Variants in MTARC2 observed in about 807,000 individuals in gnomAD.
MTARC2 encodes the protein MOCO sulphurase C-terminal domain containing 2.
Under a neutral mutation model 35.6 loss-of-function variants are expected in MTARC2, and 27 were observed. The observed-to-expected ratio is 0.76, with a 90% CI of 0.56 to 1.04. The LOEUF (loss-of-function observed/expected upper bound fraction) is 1.04, where lower values mean the gene tolerates loss of function less well. Ranked by LOEUF, MTARC2 falls within the 50% of genes least tolerant of loss-of-function variation. The pLI is 0.00. For synonymous variants in MTARC2, 158 were observed against 167.1 expected (o/e 0.95, Z 0.42); for missense variants, 412 against 432.5 (o/e 0.95, Z 0.42).
At chr1:220,763,178 C>A in intron 4 of MTARC2, 128 bp downstream of exon 4, 1 of 1,315,852 alleles carries the variant, frequency 7.6e-7, no homozygotes, top group Non-Finnish European at 1.1e-6. Flanking sequence ...CTGCTGCCAT[C>A]ACTCATTGCT....
intron 1 of MTARC2, 96 bp downstream of exon 1, chr1:220,748,899 A>C: frequency 7.4e-7 from 1 of 1,358,692 alleles, no homozygotes; most frequent in Middle Eastern, 2.7e-4. Flanking sequence ...AGGACTATAG[A>C]GGTTTGCCAC....
At chr1:220,779,909 C>A in intron 4 of MTARC2, 109 bp from the exon 5 acceptor site, 1 of 813,704 alleles carries the variant, frequency 1.2e-6, no homozygotes. Flanking sequence ...TCACCTTGTG[C>A]TGCTTTCTTC....
At chr1:220,778,003 G>A (rs1161492249) in intron 4 of MTARC2, among the ~76,000 whole-genome samples, 1 of 152,130 alleles carries the variant, frequency 6.6e-6, no homozygotes, top group African/African-American at 2.4e-5. Flanking sequence ...AGCAGTTTGG[G>A]AGGCTGAGTT....
At chr1:220,779,492 C>T (rs1672005545) in intron 4 of MTARC2, among the ~76,000 whole-genome samples, 1 of 152,142 alleles carries the variant, frequency 6.6e-6, no homozygotes, top group African/African-American at 2.4e-5. Context: ...GTGGTTCCCA[C>T]GTTCAAGGGT....
chr1:220,759,020 A>C (rs1671360242), intron 2 of MTARC2, among the ~76,000 whole-genome samples: 1 of 152,052 alleles, frequency 6.6e-6, no homozygotes, highest in Non-Finnish European at 1.5e-5. Flanking sequence ...CTCTTTAATA[A>C]AGTTTTATAA....
At chr1:220,760,817 T>C (rs1403410110) in intron 2 of MTARC2, among the ~76,000 whole-genome samples, 2 of 152,104 alleles carry the variant, frequency 1.3e-5, no homozygotes, top group African/African-American at 4.8e-5. Flanking sequence ...ATAAGTAAAA[T>C]AATATACATA....
At position 220,770,330 on chromosome 1, in the gene MTARC2, T is replaced by C. The variant is rs776747771; in HGVS notation, c.750+7280T>C. The C allele has an allele frequency of 9.7e-4, 918 of 942,744 alleles. 2 individuals carry two copies. The highest frequency in any genetic ancestry group is 1.1e-3 in the Admixed American group (18 of 16,214). The allele number at this position is 942,744 out of a possible 1,614,324, so 58.4% of individuals were successfully genotyped here. A position where few individuals can be genotyped will look rare whatever the true frequency, so the allele number is the denominator to read the frequency against. Reference sequence around the variant, plus strand: ...TGAATTCGAGGCAAGGACTTGGCCATTGAGTTGTGTTTATCAGGTCTCATC... The same window carrying C: ...TGAATTCGAGGCAAGGACTTGGCCACTGAGTTGTGTTTATCAGGTCTCATC... On this transcript the variant is annotated intron_variant, in intron 4 of 7. Coordinates refer to ENST00000366913, the MANE Select transcript of MTARC2 (RefSeq NM_017898.5).
chr1:220,771,938 C>G (rs1452296125), intron 4 of MTARC2, among the ~76,000 whole-genome samples: 1 of 152,204 alleles, frequency 6.6e-6, no homozygotes, highest in African/African-American at 2.4e-5. Flanking sequence ...AATTCTTCAT[C>G]ATCATACTAT....
rs1671953796 is a variant in MTARC2 at position 220,777,595 on chromosome 1, T to G, written c.751-2423T>G. Among the ~76,000 whole-genome samples, 3 of 152,220 alleles carry G rather than the reference T, an allele frequency of 2.0e-5. No homozygotes were observed. The South Asian group carries it at 6.2e-4, about 31-fold the overall frequency. On this transcript the variant is annotated intron_variant, in intron 4 of 7. Transcript: ENST00000366913. ...TCCTTAGACTCACAGTCTATGTTGT[T>G]GATTTATGGAGGCAGTAGTGAGGCC...
intron 4 of MTARC2, among the ~76,000 whole-genome samples, chr1:220,766,972 C>A (rs1671596358): frequency 7.6e-6 from 1 of 131,252 alleles, no homozygotes; most frequent in Non-Finnish European, 1.5e-5. Flanking sequence ...TGAAACCCCA[C>A]CTCTACAAAA....
At chr1:220,779,942 A>C in intron 4 of MTARC2, 76 bp from the exon 5 acceptor site, 1 of 1,131,116 alleles carries the variant, frequency 8.8e-7, no homozygotes, top group Non-Finnish European at 1.2e-6. Context: ...TTCATACTTA[A>C]TATGAGCCAA....
chr1:220,752,740 A>T (rs1204683476), intron 1 of MTARC2, among the ~76,000 whole-genome samples: 2 of 151,528 alleles, frequency 1.3e-5, no homozygotes, highest in Admixed American at 1.3e-4. Flanking sequence ...CCAGCTACTC[A>T]GGAGACTGAG....
intron 4 of MTARC2, among the ~76,000 whole-genome samples, chr1:220,770,948 G>C (rs1360312033): frequency 1.3e-5 from 2 of 152,200 alleles, no homozygotes; most frequent in African/African-American, 4.8e-5. Flanking sequence ...TTTGTAGCCT[G>C]TTGCTGGTGT....
intron 6 of MTARC2, among the ~76,000 whole-genome samples, chr1:220,781,144 G>A (rs1672060613): frequency 6.6e-6 from 1 of 152,036 alleles, no homozygotes; most frequent in African/African-American, 2.4e-5. Flanking sequence ...TGTTTCCAAT[G>A]GGTTTAGCTT....
chr1:220,778,353 G>T (rs1223204897), intron 4 of MTARC2, among the ~76,000 whole-genome samples: 1 of 152,030 alleles, frequency 6.6e-6, no homozygotes, highest in Non-Finnish European at 1.5e-5. Context: ...GCCTCCCGAA[G>T]CTTCCAATCA....
Position 220,748,495 on chromosome 1 carries a change from G to T in MTARC2, c.-37G>T, listed in dbSNP as rs1663558486. 1 of 1,367,686 alleles carries T rather than the reference G, an allele frequency of 7.3e-7. No individual in the cohort carries two copies. Among genetic ancestry groups the T allele is most frequent in the African/African-American group, 1.5e-5 (1 of 65,170 alleles). The allele number at this position is 1,367,686 out of a possible 1,614,324, so 84.7% of individuals were successfully genotyped here. On this transcript the variant is annotated 5_prime_UTR_variant, in exon 1 of 8. Transcript: ENST00000366913. ...TCCTCCCGGTCTCCGGTCGCTGCCG[G>T]GTCTGTGCGCCGGTCCGCGCCCGCC...
rs12070196 is a variant in MTARC2 at position 220,781,283 on chromosome 1, A to G, written c.885-495A>G. ...TTTCTTTAGACAGGACACTGGAAAA[A>G]GATTAACATCTGCAGTAGTCCAGAC... On this transcript the variant is annotated intron_variant, in intron 6 of 7. Transcript: ENST00000366913. Among the ~76,000 whole-genome samples the G allele has an allele frequency of 9.5e-3, 1,444 of 152,330 alleles. 22 individuals carry two copies. The highest frequency in any genetic ancestry group is 0.033 in the African/African-American group (1,389 of 41,568).
At chr1:220,761,347 G>A (rs79208879) in intron 2 of MTARC2, among the ~76,000 whole-genome samples, 2,033 of 152,314 alleles carry the variant, frequency 0.013, 33 homozygotes, top group East Asian at 0.06. Context: ...TACGTTCATG[G>A]ACCAGCAGCT....
intron 3 of MTARC2, among the ~76,000 whole-genome samples, chr1:220,762,059 A>G (rs570611649): frequency 6.6e-6 from 1 of 152,196 alleles, no homozygotes; most frequent in Admixed American, 6.5e-5. Context: ...AATATGGGAG[A>G]TATTGTGGAG....
Sources: gnomAD v4.1 joint callset for allele counts (sites outside exome capture counted in the v4.1 genomes callset) on GRCh38, gnomAD v4.1.1 for gene constraint, MANE v1.5 for transcripts, NCBI Gene and HGNC (gene_info 2026-07-23, HGNC 2026-07-21) for gene names.